KLF12: variants seen among roughly 807,000 people sequenced by gnomAD.
KLF12 encodes the protein Krueppel-like factor 12.
KLF12 carries 9 observed loss-of-function variants against 37.8 expected under a neutral mutation model. That is an observed-to-expected ratio of 0.24 (90% CI 0.14 to 0.42). KLF12 has a LOEUF of 0.42. Ranked by LOEUF, KLF12 falls within the 10% of genes least tolerant of loss-of-function variation. KLF12 has a pLI of 1.00. For synonymous variants in KLF12, 208 were observed against 202.1 expected (o/e 1.03, Z -0.25); for missense variants, 411 against 516.0 (o/e 0.80, Z 1.97).
chr13:74,055,615 T>C (rs555481086), intron 1 of KLF12, among the ~76,000 whole-genome samples: 2 of 152,312 alleles, frequency 1.3e-5, no homozygotes, highest in Admixed American at 6.5e-5. Flanking sequence ...TGTTTTCACC[T>C]GGGCTTAGCT....
intron 1 of KLF12, among the ~76,000 whole-genome samples, chr13:74,037,107 G>C (rs1186592539): frequency 6.6e-6 from 1 of 151,544 alleles, no homozygotes; most frequent in Non-Finnish European, 1.5e-5. Context: ...GGGAGGCTGA[G>C]GCAGAGAACT....
intron 5 of KLF12, among the ~76,000 whole-genome samples, chr13:73,810,982 C>CTTTCTTTTTTTTTTTTTTTTTTTTTTTT (rs1555308731): frequency 8.9e-5 from 4 of 44,818 alleles, no homozygotes; most frequent in African/African-American, 3.4e-4. Context: ...ATTTTTCTTT[C>CTTTCTTTTTTTTTTTTTTTTTTTTTTTT]TTTTTTTTTT....
chr13:74,194,743 GA>G, the KLF12 span, among the ~76,000 whole-genome samples: 4 of 152,030 alleles, frequency 2.6e-5, no homozygotes, highest in Non-Finnish European at 5.9e-5. Flanking sequence ...TTAGTGATAG[GA>G]AAAAAACAAA....
At position 73,780,509 on chromosome 13, in the gene KLF12, C is replaced by T. The variant is rs112146032; in HGVS notation, c.807-15509G>A. The stretch of plus-strand genomic sequence containing the variant: ...TTCTTTTTTCTTTGAGACGGAGTTT[C>T]GCTCTTGTTGCCCAGGCTGGAGTGC... On this transcript the variant is annotated intron_variant, in intron 5 of 7. Coordinates refer to ENST00000377669, the MANE Select transcript of KLF12 (RefSeq NM_007249.5). 3.9e-3 allele frequency among the ~76,000 whole-genome samples: 580 copies of T among 149,752 alleles called. 3 individuals are homozygous for T. Among genetic ancestry groups the T allele is most frequent in the African/African-American group, 0.013 (538 of 40,974 alleles).
chr13:74,041,733 C>CACACACA (rs1566515048), intron 1 of KLF12, among the ~76,000 whole-genome samples: 1 of 147,852 alleles, frequency 6.8e-6, no homozygotes, highest in African/African-American at 2.5e-5. Context: ...CACACACACA[C>CACACACA]CCCTTCAAAA....
the KLF12 span, among the ~76,000 whole-genome samples, chr13:74,288,499 G>T: frequency 6.6e-6 from 1 of 152,284 alleles, no homozygotes; most frequent in East Asian, 1.9e-4. Flanking sequence ...GGCAGAATGA[G>T]CTGAAAATGT....
the KLF12 span, among the ~76,000 whole-genome samples, chr13:74,202,436 A>T: frequency 6.6e-6 from 1 of 152,170 alleles, no homozygotes; most frequent in Non-Finnish European, 1.5e-5. Flanking sequence ...CTAGGACTGC[A>T]GAGCTGCTCT....
chr13:73,743,199 C>T (rs1269855569), intron 6 of KLF12, among the ~76,000 whole-genome samples: 4 of 152,174 alleles, frequency 2.6e-5, no homozygotes, highest in Non-Finnish European at 4.4e-5. Context: ...ACGGTAGATC[C>T]TCTTTCCTCA....
chr13:74,030,411 A>G (rs1893084045), intron 1 of KLF12, among the ~76,000 whole-genome samples: 1 of 152,092 alleles, frequency 6.6e-6, no homozygotes, highest in African/African-American at 2.4e-5. Flanking sequence ...CTCTGTGTCT[A>G]TTACTGCCAA....
chr13:74,084,217 T>TA (rs1016593089), intron 1 of KLF12, among the ~76,000 whole-genome samples: 13 of 152,152 alleles, frequency 8.5e-5, no homozygotes, highest in African/African-American at 2.9e-4. Flanking sequence ...AAAGAAAAAT[T>TA]AAATAAGAGA....
intron 6 of KLF12, among the ~76,000 whole-genome samples, chr13:73,738,114 T>TACACACACATATATGTATGTGTAC (rs1555299031): frequency 1.7e-4 from 12 of 69,180 alleles, no homozygotes; most frequent in South Asian, 3.7e-4. Flanking sequence ...TATATATATA[T>TACACACACATATATGTATGTGTAC]ATATATATAT....
At chr13:74,088,949 C>A (rs947436355) in intron 1 of KLF12, among the ~76,000 whole-genome samples, 3 of 152,036 alleles carry the variant, frequency 2.0e-5, no homozygotes, top group Non-Finnish European at 4.4e-5. Flanking sequence ...TACTGTAAAC[C>A]ACTTTATATG....
intron 1 of KLF12, among the ~76,000 whole-genome samples, chr13:74,054,042 T>C (rs1330031926): frequency 6.6e-6 from 1 of 152,176 alleles, no homozygotes; most frequent in Non-Finnish European, 1.5e-5. Flanking sequence ...TCAAGAAACA[T>C]TTGCATGTAT....
chr13:73,831,625 C>T (rs1300118936), intron 4 of KLF12, among the ~76,000 whole-genome samples: 1 of 152,146 alleles, frequency 6.6e-6, no homozygotes, highest in Non-Finnish European at 1.5e-5. Flanking sequence ...TCCAGAAAGA[C>T]CTTGCTGCAA....
rs895253625 is a variant in KLF12 at position 73,842,535 on chromosome 13, C to T, written c.670+3292G>A. ...CTGAAAGGACAAATGGTTCAACTGA[C>T]AGGACATGTGAGCTTAGACGGATAT... On this transcript the variant is annotated intron_variant, in intron 4 of 7. Transcript: ENST00000377669. Among the ~76,000 whole-genome samples the T allele has an allele frequency of 2.0e-5, 3 of 152,206 alleles. No individual in the cohort carries two copies. In the East Asian group the frequency reaches 5.8e-4, roughly 29 times the overall value.
At chr13:74,114,958 G>A (rs1877201320) in intron 1 of KLF12, among the ~76,000 whole-genome samples, 1 of 152,154 alleles carries the variant, frequency 6.6e-6, no homozygotes, top group South Asian at 2.1e-4. Context: ...GCATGAGAAG[G>A]ATCTAGGTTG....
chr13:73,892,083 C>T (rs1043616366), intron 3 of KLF12, among the ~76,000 whole-genome samples: 38 of 151,816 alleles, frequency 2.5e-4, no homozygotes, highest in African/African-American at 9.2e-4. Context: ...TATCCTGGGG[C>T]CCAGTTTGTT....
intron 7 of KLF12, among the ~76,000 whole-genome samples, chr13:73,707,661 T>C (rs1233453360): frequency 6.6e-6 from 1 of 152,092 alleles, no homozygotes; most frequent in Non-Finnish European, 1.5e-5. Context: ...TGAATACAGA[T>C]GTGAAGTCAT....
intron 1 of KLF12, among the ~76,000 whole-genome samples, chr13:74,090,037 A>G (rs1875561192): frequency 6.6e-6 from 1 of 152,108 alleles, no homozygotes; most frequent in East Asian, 1.9e-4. Context: ...TGTATATAGA[A>G]AATTCTAAGG....
Sources: gnomAD v4.1 joint callset for allele counts (sites outside exome capture counted in the v4.1 genomes callset) on GRCh38, gnomAD v4.1.1 for gene constraint, MANE v1.5 for transcripts, NCBI Gene and HGNC (gene_info 2026-07-23, HGNC 2026-07-21) for gene names.